MAP7D1: variants seen among roughly 807,000 people sequenced by gnomAD.
MAP7D1 encodes MAP7 domain containing 1, also known as MAP7 domain-containing protein 1.
Under a neutral mutation model 97.5 loss-of-function variants are expected in MAP7D1, and 30 were observed. The ratio of observed to expected loss-of-function variants is 0.31; its 90% confidence interval spans 0.23 to 0.42. The LOEUF (loss-of-function observed/expected upper bound fraction) is 0.42. MAP7D1 is among the 10% of genes least tolerant of loss of function. The pLI, the probability that MAP7D1 is intolerant of heterozygous loss-of-function variation, is 1.00. For missense variants in MAP7D1, 1,184 were observed against 1,179.5 expected (o/e 1.00, Z -0.06); for synonymous variants, 536 against 477.1 (o/e 1.12, Z -1.61).
At chr1:36,163,226 C>T (rs1207697949) in intron 1 of MAP7D1, among the ~76,000 whole-genome samples, 3 of 152,070 alleles carry the variant, frequency 2.0e-5, no homozygotes, top group East Asian at 3.8e-4. Flanking sequence ...ACTTTTTGAC[C>T]CCACAATGCA....
intron 6 of MAP7D1, among the ~76,000 whole-genome samples, chr1:36,175,257 C>A (rs1221118512): frequency 6.6e-6 from 1 of 152,238 alleles, no homozygotes; most frequent in Non-Finnish European, 1.5e-5. Flanking sequence ...GGGCAGGAAG[C>A]CTGGCAGGAG....
chr1:36,175,101 G>A, intron 6 of MAP7D1, 93 bp downstream of exon 6: 2 of 749,596 alleles, frequency 2.7e-6, no homozygotes, highest in Non-Finnish European at 4.2e-6. Flanking sequence ...GGTCCCTGGA[G>A]CCCTCACATA....
chr1:36,179,397 G>C, intron 13 of MAP7D1, 82 bp downstream of exon 13: 1 of 1,587,110 alleles, frequency 6.3e-7, no homozygotes, highest in Non-Finnish European at 8.6e-7. Context: ...CCATGGCCAC[G>C]GAGAGCGAGG....
chr1:36,176,258 ACT>A lies in MAP7D1; in HGVS notation c.916_917del (p.Ser306LeufsTer20). Reference protein sequence around the residue: ...SSIVDRLMTPTLSFLARSRSA... With the variant: ...SSIVDRLMTPXLSFLARSRSA... ...CATCGTGGATCGTCTGATGACGCCC[ACT>A]CTCTCCTTCCTTGCTCGGAGTCGCA... On this transcript the variant is annotated frameshift_variant, in exon 7 of 17. Transcript: ENST00000474796. LOFTEE classifies it high-confidence loss of function. This position sits in a 1 kb window ranked among gnomAD's most constrained non-coding sequence, Gnocchi z 6.1. The A allele has an allele frequency of 1.2e-6, 2 of 1,605,266 alleles. No homozygotes were observed. The highest frequency in any genetic ancestry group is 1.7e-6 in the Non-Finnish European group (2 of 1,177,950).
intron 3 of MAP7D1, 83 bp downstream of exon 3, chr1:36,171,664 G>C: frequency 6.9e-7 from 1 of 1,458,330 alleles, no homozygotes; most frequent in Admixed American, 1.8e-5. Context: ...GGGGCGCAGT[G>C]GCTCACGCCT....
Position 36,176,385 on chromosome 1 carries a change from G to T in MAP7D1, c.1037G>T (p.Gly346Val). The T allele has an allele frequency of 1.3e-6, 2 of 1,525,896 alleles. No individual in the cohort carries two copies. Among genetic ancestry groups the T allele is most frequent in the Non-Finnish European group, 8.8e-7 (1 of 1,142,526 alleles). The allele number at this position is 1,525,896 out of a possible 1,614,324, so 94.5% of individuals were successfully genotyped here. ...CGGGCAGGGGCCAGCCTGGCGCGCGGGCCGCAACCCGACCGCACTCATCCC... is the reference window on the plus strand; with the variant it reads ...CGGGCAGGGGCCAGCCTGGCGCGCGTGCCGCAACCCGACCGCACTCATCCC... ...WGRAGASLAR[G>V]PQPDRTHPSA... Residue 346 changes from glycine to valine, a missense_variant, in exon 7 of 17, where the codon GGG becomes GTG. Gly to Val is a moderately radical substitution (Grantham distance 109). Coordinates refer to ENST00000474796, the MANE Select transcript of MAP7D1 (RefSeq NM_001388490.1). This position sits in a 1 kb window ranked among gnomAD's most constrained non-coding sequence, Gnocchi z 6.1.
chr1:36,176,562 G>T lies in MAP7D1; in HGVS notation c.1214G>T (p.Arg405Leu), dbSNP rs768306601. The change falls in exon 7 of 17, where the codon CGC becomes CTC. Residue 405 changes from arginine (R) to leucine (L), a missense_variant. Transcript: ENST00000474796. The surrounding 1 kb of genome is among the most constrained non-coding windows in gnomAD (Gnocchi z 6.1). ...GGGGGCAGCCCCGCTCCGGTGCGCC[G>T]CCGGCCGGAGGCCTCGCCGGTGAGT... is the stretch of plus-strand genomic sequence containing the variant. ...NAGGSPAPVR[R>L]RPEASPVQKK... is the part of the protein sequence containing the mutation. 2.6e-5 allele frequency: 39 copies of T among 1,476,612 alleles called. No individual in the cohort carries two copies. In the African/African-American group the frequency reaches 4.2e-4, roughly 16 times the overall value. The allele number at this position is 1,476,612 out of a possible 1,614,324, so 91.5% of individuals were successfully genotyped here. A position where few individuals can be genotyped will look rare whatever the true frequency, so the allele number is the denominator to read the frequency against.
intron 1 of MAP7D1, among the ~76,000 whole-genome samples, chr1:36,168,416 C>A (rs1324881301): frequency 1.3e-5 from 2 of 152,088 alleles, no homozygotes; most frequent in East Asian, 3.9e-4. Flanking sequence ...CTCTGCCTCT[C>A]AGAATTGCGA....
rs769133520 is a variant in MAP7D1 at position 36,176,574 on chromosome 1, C to T, written c.1226C>T (p.Ala409Val). Reference protein sequence around the residue: ...SPAPVRRRPEASPVQKKEKKD... With the variant: ...SPAPVRRRPEVSPVQKKEKKD... ...GCTCCGGTGCGCCGCCGGCCGGAGG[C>T]CTCGCCGGTGAGTGGCTCTACTGGC... The change falls in exon 7 of 17, where the codon GCC (alanine) becomes GTC (valine). Residue 409 changes from alanine (A) to valine (V), a missense_variant. Ala to Val is a moderately conservative substitution (Grantham distance 64). Coordinates refer to ENST00000474796, the MANE Select transcript of MAP7D1 (RefSeq NM_001388490.1). The surrounding 1 kb of genome is among the most constrained non-coding windows in gnomAD (Gnocchi z 6.1). 11 of 1,507,858 alleles carry T rather than the reference C, an allele frequency of 7.3e-6. No individual in the cohort carries two copies. Among genetic ancestry groups the T allele is most frequent in the Non-Finnish European group, 9.7e-6 (11 of 1,128,892 alleles). The allele number at this position is 1,507,858 out of a possible 1,614,324, so 93.4% of individuals were successfully genotyped here. A position where few individuals can be genotyped will look rare whatever the true frequency, so the allele number is the denominator to read the frequency against.
chr1:36,180,449 T>C lies in MAP7D1; in HGVS notation c.*191T>C. ...GGCCGGAGCCAGATCTGCCCCTCAG[T>C]GCATTCGTGTGCTCGCACGCGCAGA... is the stretch of plus-strand genomic sequence containing the variant. On this transcript the variant is annotated 3_prime_UTR_variant, in exon 17 of 17. Transcript: ENST00000474796. 1 of 714,216 alleles carries C rather than the reference T, an allele frequency of 1.4e-6. No individual in the cohort carries two copies. Among genetic ancestry groups the C allele is most frequent in the Non-Finnish European group, 2.4e-6 (1 of 411,892 alleles). The allele number at this position is 714,216 out of a possible 1,614,324, so 44.2% of individuals were successfully genotyped here.
At position 36,180,283 on chromosome 1, in the gene MAP7D1, C is replaced by T; in HGVS notation, c.*25C>T. The T allele has an allele frequency of 1.2e-6, 2 of 1,614,142 alleles. No homozygotes were observed. Among genetic ancestry groups the T allele is most frequent in the Non-Finnish European group, 1.7e-6 (2 of 1,179,972 alleles). On this transcript the variant is annotated 3_prime_UTR_variant, in exon 17 of 17. Transcript: ENST00000474796. Reference sequence around the variant, plus strand: ...AGAGGGTTTGCCTTGGATCCGGGCACAGTTGTGAGGGCTCCTCTGCATCAC... The same window carrying T: ...AGAGGGTTTGCCTTGGATCCGGGCATAGTTGTGAGGGCTCCTCTGCATCAC...
chr1:36,174,046 G>A (rs1283244896), intron 5 of MAP7D1, among the ~76,000 whole-genome samples: 1 of 152,216 alleles, frequency 6.6e-6, no homozygotes, highest in Admixed American at 6.5e-5. Flanking sequence ...GTGTACCTCA[G>A]TGAGGGCTCC....
chr1:36,164,701 G>T (rs1347226477), intron 1 of MAP7D1, among the ~76,000 whole-genome samples: 1 of 152,152 alleles, frequency 6.6e-6, no homozygotes, highest in Non-Finnish European at 1.5e-5. Context: ...GGACTAGTAG[G>T]GTGAGTTCAA....
chr1:36,163,597 G>A (rs190318737), intron 1 of MAP7D1, among the ~76,000 whole-genome samples: 21 of 152,250 alleles, frequency 1.4e-4, no homozygotes, highest in African/African-American at 4.6e-4. Context: ...GGTCAATAGT[G>A]TGCCAGGTCA....
Position 36,179,000 on chromosome 1 carries a change from A to AGCAAGAGCG in MAP7D1, c.2115_2123dup (p.Gln706_Arg708dup), listed in dbSNP as rs1273130447. 3.2e-6 allele frequency: 5 copies of AGCAAGAGCG among 1,547,398 alleles called. No homozygotes were observed. Among genetic ancestry groups the AGCAAGAGCG allele is most frequent in the East Asian group, 5.0e-5 (2 of 40,290 alleles). On this transcript the variant is annotated inframe_insertion, in exon 12 of 17. Coordinates refer to ENST00000474796, the MANE Select transcript of MAP7D1 (RefSeq NM_001388490.1). ...CGGGAAAAGCACTTCCAGCAGCAGG[A>AGCAAGAGCG]GCAAGAGCGGCAAGAGCGCAGAAAG...
chr1:36,173,933 G>A (rs1644581926), intron 5 of MAP7D1, among the ~76,000 whole-genome samples: 1 of 152,072 alleles, frequency 6.6e-6, no homozygotes, highest in Non-Finnish European at 1.5e-5. Context: ...TTTATGCAAT[G>A]GCAAGTTTCA....
rs1191462886 is a variant in MAP7D1 at position 36,174,297 on chromosome 1, C to G, written c.740-601C>G. On this transcript the variant is annotated intron_variant, in intron 5 of 16. Transcript: ENST00000474796. ...AATGTCATGATGAGGTTGCTTCGAT[C>G]TGTTTGTGGCTTGTGTGCATCTGGG... is the stretch of plus-strand genomic sequence containing the variant. 1.8e-4 allele frequency among the ~76,000 whole-genome samples: 28 copies of G among 152,198 alleles called. 1 individual carries two copies. The highest frequency in any genetic ancestry group is 1.6e-3 in the Admixed American group (25 of 15,278).
chr1:36,175,371 T>C (rs963250805), intron 6 of MAP7D1, among the ~76,000 whole-genome samples: 2 of 152,124 alleles, frequency 1.3e-5, no homozygotes, highest in African/African-American at 4.8e-5. Flanking sequence ...CAGGTGGCAT[T>C]GTCCCCATGT....
At chr1:36,163,888 T>G (rs1252817307) in intron 1 of MAP7D1, among the ~76,000 whole-genome samples, 1 of 146,220 alleles carries the variant, frequency 6.8e-6, no homozygotes, top group African/African-American at 2.6e-5. Flanking sequence ...AGTGCAGTAG[T>G]GCAGTCTCAG....
Sources: gnomAD v4.1 joint callset for allele counts (sites outside exome capture counted in the v4.1 genomes callset) on GRCh38, gnomAD v4.1.1 for gene constraint, Gnocchi (gnomAD v3.1) non-coding constraint, MANE v1.5 for transcripts, NCBI Gene and HGNC (gene_info 2026-07-23, HGNC 2026-07-21) for gene names.